Variants in CTNNA3 observed in about 807,000 individuals in gnomAD.
CTNNA3 encodes the protein catenin alpha-3.
In CTNNA3, 76 loss-of-function variants were observed where a neutral mutation model predicts 95.7. The observed-to-expected ratio is 0.79, with a 90% CI of 0.66 to 0.96. The LOEUF is 0.96. CTNNA3 is among the 40% of genes least tolerant of loss of function. CTNNA3 has a pLI of 0.00. For synonymous variants in CTNNA3, 431 were observed against 374.4 expected (o/e 1.15, Z -1.74); for missense variants, 1,191 against 1,089.8 (o/e 1.09, Z -1.31).
intron 7 of CTNNA3, among the ~76,000 whole-genome samples, chr10:66,909,274 G>T (rs1846121508): frequency 6.6e-6 from 1 of 152,076 alleles, no homozygotes; most frequent in Non-Finnish European, 1.5e-5. Context: ...CTGCAATTTA[G>T]GAGGCCAAGG....
intron 5 of CTNNA3, among the ~76,000 whole-genome samples, chr10:67,517,820 G>A (rs1839869163): frequency 6.6e-6 from 1 of 152,114 alleles, no homozygotes; most frequent in Admixed American, 6.6e-5. Context: ...GACTATGTAT[G>A]TCCAAAAACA....
intron 2 of CTNNA3, among the ~76,000 whole-genome samples, chr10:67,609,643 T>C (rs1410751553): frequency 6.6e-6 from 1 of 152,306 alleles, no homozygotes; most frequent in East Asian, 1.9e-4. Flanking sequence ...AAAACAATCA[T>C]TGTTATCCTA....
chr10:66,095,807 G>T (rs955516750), intron 14 of CTNNA3, among the ~76,000 whole-genome samples: 1 of 152,068 alleles, frequency 6.6e-6, no homozygotes, highest in East Asian at 1.9e-4. Context: ...CTAGGCAACT[G>T]TTCTTATTTC....
chr10:67,370,929 G>T (rs1466105733), intron 5 of CTNNA3, among the ~76,000 whole-genome samples: 1 of 148,842 alleles, frequency 6.7e-6, no homozygotes, highest in Non-Finnish European at 1.5e-5. Context: ...TGCAGTGGCG[G>T]GATCTCGGCT....
intron 5 of CTNNA3, among the ~76,000 whole-genome samples, chr10:67,228,214 C>T (rs1865019157): frequency 6.6e-6 from 1 of 152,090 alleles, no homozygotes; most frequent in Admixed American, 6.6e-5. Flanking sequence ...AAAATGAAAA[C>T]AGATGATAAA....
chr10:67,002,391 G>A (rs1851740071), intron 7 of CTNNA3, among the ~76,000 whole-genome samples: 1 of 152,106 alleles, frequency 6.6e-6, no homozygotes, highest in Non-Finnish European at 1.5e-5. Flanking sequence ...AAGGCTTTCT[G>A]TAAAAGTGAG....
chr10:66,083,352 C>T (rs542632653), intron 14 of CTNNA3, among the ~76,000 whole-genome samples: 71 of 152,218 alleles, frequency 4.7e-4, no homozygotes, highest in Middle Eastern at 3.4e-3. Context: ...ACAGGGGTAA[C>T]GCAACTGGAC....
intron 2 of CTNNA3, among the ~76,000 whole-genome samples, chr10:67,646,270 G>A (rs1839709874): frequency 6.7e-6 from 1 of 150,344 alleles, no homozygotes; most frequent in Admixed American, 6.7e-5. Context: ...TCCTGCCTTG[G>A]CCTCCCAAAG....
At chr10:66,553,746 G>C (rs1399821233) in intron 10 of CTNNA3, among the ~76,000 whole-genome samples, 1 of 151,378 alleles carries the variant, frequency 6.6e-6, no homozygotes, top group Non-Finnish European at 1.5e-5. Context: ...CCAGGATGGT[G>C]TCAATCTCCT....
chr10:66,083,656 C>T (rs1197475427), intron 14 of CTNNA3, among the ~76,000 whole-genome samples: 2 of 152,156 alleles, frequency 1.3e-5, no homozygotes, highest in African/African-American at 4.8e-5. Flanking sequence ...GCTTATTCTT[C>T]TACGCTAGTT....
intron 9 of CTNNA3, among the ~76,000 whole-genome samples, chr10:66,642,237 G>A (rs1210413085): frequency 6.8e-6 from 1 of 146,258 alleles, no homozygotes; most frequent in Non-Finnish European, 1.5e-5. Flanking sequence ...CAATTAAAAT[G>A]TTGATATTTC....
chr10:67,470,469 C>T (rs552623736), intron 5 of CTNNA3, among the ~76,000 whole-genome samples: 1 of 152,292 alleles, frequency 6.6e-6, no homozygotes, highest in East Asian at 1.9e-4. Flanking sequence ...TTAAAATCAG[C>T]TTCTCAAAGC....
In CTNNA3 at chr10:66,663,636, T is replaced by C. The variant is rs1156303896; in HGVS notation, c.1282-41852A>G. 4.6e-5 allele frequency among the ~76,000 whole-genome samples: 7 copies of C among 152,282 alleles called. 1 individual carries two copies. In the East Asian group the frequency reaches 1.4e-3, roughly 29 times the overall value. ...TCCCACTCTACTGGAAACTAACTTC[T>C]AAGAAGACTGAGATTTTTATCTCTT... On this transcript the variant is annotated intron_variant, in intron 9 of 17. Coordinates refer to ENST00000433211, the MANE Select transcript of CTNNA3 (RefSeq NM_013266.4).
chr10:66,926,835 A>G lies in CTNNA3; in HGVS notation c.1048-151311T>C. 5 of 1,234,118 alleles carry G rather than the reference A, an allele frequency of 4.1e-6. No homozygotes were observed. In the South Asian group the frequency reaches 8.2e-5, roughly 20 times the overall value. 76.4% of individuals were successfully genotyped at this position (1,234,118 alleles called of 1,614,324 possible). ...TGTTATTTAGATTTAAATTTTTAAA[A>G]ATGAAAAATATATGCCTATTTTTGC... is the stretch of plus-strand genomic sequence containing the variant. On this transcript the variant is annotated intron_variant, in intron 7 of 17. Transcript: ENST00000433211.
At chr10:66,064,706 C>T (rs1258771288) in intron 15 of CTNNA3, among the ~76,000 whole-genome samples, 1 of 152,104 alleles carries the variant, frequency 6.6e-6, no homozygotes, top group Non-Finnish European at 1.5e-5. Flanking sequence ...GCCATAAGGG[C>T]ATTAAAATTA....
intron 13 of CTNNA3, among the ~76,000 whole-genome samples, chr10:66,199,147 C>T (rs960148054): frequency 6.6e-6 from 1 of 152,040 alleles, no homozygotes; most frequent in African/African-American, 2.4e-5. Flanking sequence ...GCACTAGATC[C>T]TTGGCTTACC....
chr10:66,049,176 A>G (rs879316734), intron 15 of CTNNA3, among the ~76,000 whole-genome samples: 11 of 152,236 alleles, frequency 7.2e-5, no homozygotes, highest in Admixed American at 2.6e-4. Flanking sequence ...GCCAATAAGC[A>G]TATGAAAACA....
intron 3 of CTNNA3, among the ~76,000 whole-genome samples, chr10:67,550,320 A>G (rs771509321): frequency 5.3e-5 from 8 of 152,172 alleles, no homozygotes; most frequent in Non-Finnish European, 8.8e-5. Context: ...CCAGTGTAAT[A>G]TCAAAAGGAG....
At chr10:66,082,912 C>T (rs1186601539) in intron 14 of CTNNA3, among the ~76,000 whole-genome samples, 2 of 151,594 alleles carry the variant, frequency 1.3e-5, no homozygotes, top group African/African-American at 2.4e-5. Flanking sequence ...TGCATATTTT[C>T]TAAGCACACT....
Sources: gnomAD v4.1 joint callset for allele counts (sites outside exome capture counted in the v4.1 genomes callset) on GRCh38, gnomAD v4.1.1 for gene constraint, MANE v1.5 for transcripts, NCBI Gene and HGNC (gene_info 2026-07-23, HGNC 2026-07-21) for gene names.